The following PELI3 variants were observed in gnomAD, a reference collection of about 807,000 sequenced individuals.
PELI3 encodes the protein E3 ubiquitin-protein ligase pellino homolog 3.
Under a neutral mutation model 35.5 loss-of-function variants are expected in PELI3, and 19 were observed. The ratio of observed to expected loss-of-function variants is 0.54; its 90% CI spans 0.37 to 0.79. PELI3 has a LOEUF of 0.79. Ranked by LOEUF, PELI3 falls within the 30% of genes least tolerant of loss-of-function variation. The pLI is 0.00. For synonymous variants in PELI3, 262 were observed against 279.2 expected, an observed-to-expected ratio of 0.94 and a Z score of 0.62; for missense variants, 490 against 661.2, an observed-to-expected ratio of 0.74 and a Z score of 2.84.
In PELI3 at chr11:66,471,267, G is replaced by A; in HGVS notation, c.250G>A (p.Asp84Asn). 1 of 1,613,578 alleles carries A rather than the reference G, an allele frequency of 6.2e-7. No homozygotes were observed. The highest frequency in any genetic ancestry group is 8.5e-7 in the Non-Finnish European group (1 of 1,179,740). ...SCYNGCLASG[D>N]KGRRRSRLAL... ...CTACAATGGTTGTCTGGCAAGTGGG[G>A]ACAAGGGCCGCCGGCGAAGCCGCCT... Residue 84 changes from aspartate (D) to asparagine (N), a missense_variant, in exon 4 of 8, where the codon GAC becomes AAC. By Grantham distance (23) the Asp-to-Asn change is conservative (BLOSUM62 1). Transcript: ENST00000320740.
chr11:66,471,159 C>T (rs895289204), intron 3 of PELI3, 83 bp from the exon 4 acceptor site: 1 of 1,486,970 alleles, frequency 6.7e-7, no homozygotes, highest in Non-Finnish European at 9.2e-7. Flanking sequence ...TGGCAGTTTC[C>T]TCCAAGTCTC....
intron 3 of PELI3, among the ~76,000 whole-genome samples, chr11:66,469,250 T>A (rs1465968146): frequency 8.3e-5 from 12 of 145,454 alleles, no homozygotes; most frequent in African/African-American, 1.8e-4. Context: ...ACACATGCTT[T>A]AAAAAAAAAA....
chr11:66,477,048 G>A lies in PELI3; in HGVS notation c.*881G>A, dbSNP rs1854946136. 6.6e-6 allele frequency: 1 copy of A among 152,338 alleles called. No individual in the cohort carries two copies. The highest frequency in any genetic ancestry group is 2.4e-5 in the African/African-American group (1 of 41,378). 9.4% of individuals were successfully genotyped at this position (152,338 alleles called of 1,614,324 possible). On this transcript the variant is annotated 3_prime_UTR_variant, in exon 8 of 8. Transcript: ENST00000320740. Reference sequence around the variant, plus strand: ...GGCCTGTGCACAGGCTCAGGTGTCAGTAAGCCAGAAATCCAGGGACAGAGT... The same window carrying A: ...GGCCTGTGCACAGGCTCAGGTGTCAATAAGCCAGAAATCCAGGGACAGAGT...
chr11:66,468,396 A>G (rs764761274), intron 2 of PELI3, 116 bp downstream of exon 2: 42 of 1,046,022 alleles, frequency 4.0e-5, no homozygotes, highest in Non-Finnish European at 5.1e-5. Flanking sequence ...GTCCCTCCTC[A>G]CCTTCCTAGC....
intron 4 of PELI3, 80 bp from the exon 5 acceptor site, chr11:66,472,289 C>T (rs1202860844): frequency 1.8e-6 from 2 of 1,092,942 alleles, no homozygotes; most frequent in African/African-American, 1.5e-5. Flanking sequence ...GCTGCTGGGC[C>T]TTGAGCTCCA....
In PELI3 at chr11:66,473,421, AAC is replaced by A; in HGVS notation, c.639_640del (p.Ile214LeufsTer198). 6.2e-7 allele frequency: 1 copy of A among 1,612,300 alleles called. No homozygotes were observed. Among genetic ancestry groups the A allele is most frequent in the Non-Finnish European group, 8.5e-7 (1 of 1,179,224 alleles). The stretch of plus-strand genomic sequence containing the variant: ...TGCCGCTGGCTTCGATGCCTCTAGC[AAC>A]ATCTTCCTTGGAGTGAGTGAGCCCC... Reference protein sequence around the residue: ...IYAAGFDASSNIFLGERAAKW... With the variant: ...IYAAGFDASSXIFLGERAAKW... On this transcript the variant is annotated frameshift_variant, in exon 6 of 8. Coordinates refer to ENST00000320740, the MANE Select transcript of PELI3 (RefSeq NM_145065.3). LOFTEE classifies it high-confidence loss of function. This position sits in a 1 kb window ranked among gnomAD's most constrained non-coding sequence, Gnocchi z 5.8.
intron 4 of PELI3, among the ~76,000 whole-genome samples, chr11:66,471,908 G>C (rs1425626955): frequency 6.6e-6 from 1 of 152,102 alleles, no homozygotes; most frequent in Non-Finnish European, 1.5e-5. Flanking sequence ...CACCCAGGCT[G>C]GAGTACAGTG....
In PELI3 at chr11:66,473,604, C is replaced by T; in HGVS notation, c.652-133C>T. The T allele has an allele frequency of 7.4e-7, 1 of 1,352,480 alleles. No individual in the cohort carries two copies. The highest frequency in any genetic ancestry group is 1.0e-6 in the Non-Finnish European group (1 of 996,794). 83.8% of individuals were successfully genotyped at this position (1,352,480 alleles called of 1,614,324 possible). On this transcript the variant is annotated intron_variant, in intron 6 of 7. Transcript: ENST00000320740. The surrounding 1 kb of genome is among the most constrained non-coding windows in gnomAD (Gnocchi z 5.8). ...GCAAAGTGAGGCCCAGAGAGACGCT[C>T]AAGTCATGCAGCTTCAATGCCAGTC...
chr11:66,471,431 G>C, intron 4 of PELI3, 60 bp downstream of exon 4: 3 of 1,589,228 alleles, frequency 1.9e-6, no homozygotes, highest in Non-Finnish European at 2.6e-6. Flanking sequence ...CCAGGTCTTC[G>C]GCCTTCCAGG....
Position 66,471,519 on chromosome 11 carries a change from G to T in PELI3, c.354+148G>T, listed in dbSNP as rs149865295. The T allele has an allele frequency of 3.8e-4, 449 of 1,175,398 alleles. No individual in the cohort carries two copies. The African/African-American group carries it at 6.2e-3, about 16-fold the overall frequency. 72.8% of individuals were successfully genotyped at this position (1,175,398 alleles called of 1,614,324 possible). A position where few individuals can be genotyped will look rare whatever the true frequency, so the allele number is the denominator to read the frequency against. On this transcript the variant is annotated intron_variant, in intron 4 of 7. Coordinates refer to ENST00000320740, the MANE Select transcript of PELI3 (RefSeq NM_145065.3). Reference sequence around the variant, plus strand: ...TCACTCACTGCTTATTGGGCCATCCGAGAATGGTGATGAAAAATCCTTTGC... The same window carrying T: ...TCACTCACTGCTTATTGGGCCATCCTAGAATGGTGATGAAAAATCCTTTGC...
chr11:66,466,672 T>A (rs1029985411), upstream of PELI3: 6 of 151,228 alleles, frequency 4.0e-5, no homozygotes, highest in Non-Finnish European at 8.8e-5. Context: ...GGCAAGGGAG[T>A]CCCTCAGACG....
At position 66,475,772 on chromosome 11, in the gene PELI3, C is replaced by T. The variant is rs1277480689; in HGVS notation, c.1015C>T (p.Leu339=). ...CCAGTGCCCCGTGGGCCTCAGCACT[C>T]TGGCCTTCCCCAGCCCAGCCCGTGG... ...RPQCPVGLST[L]AFPSPARGRT... is the part of the protein sequence containing the mutation. The change falls in exon 8 of 8, where the codon CTG becomes TTG. Residue 339 remains leucine, a synonymous_variant. Transcript: ENST00000320740. The T allele has an allele frequency of 3.7e-6, 6 of 1,610,250 alleles. No individual in the cohort carries two copies. The highest frequency in any genetic ancestry group is 2.5e-6 in the Non-Finnish European group (3 of 1,179,042).
intron 3 of PELI3, among the ~76,000 whole-genome samples, chr11:66,469,804 G>GTTTTTTTTTTTTTTT (rs1330000663): frequency 1.5e-5 from 2 of 129,958 alleles, no homozygotes; most frequent in African/African-American, 5.8e-5. Context: ...TTTTTTTTTT[G>GTTTTTTTTTTTTTTT]TTTTTTTTTT....
At position 66,473,291 on chromosome 11, in the gene PELI3, C is replaced by T. The variant is rs144457255; in HGVS notation, c.507C>T (p.Ser169=). ...TTGACTTCGTGGTAACAGACACGTC[C>T]CCTGGAGGAGGGGCTGCCGAGGGCC... ...NMIDFVVTDT[S]PGGGAAEGPS... Residue 169 remains serine (S), a synonymous_variant, in exon 6 of 8, where the codon TCC becomes TCT. Transcript: ENST00000320740. The surrounding 1 kb of genome is among the most constrained non-coding windows in gnomAD (Gnocchi z 5.8). 9.3e-6 allele frequency: 15 copies of T among 1,613,592 alleles called. No individual in the cohort carries two copies. Among genetic ancestry groups the T allele is most frequent in the Middle Eastern group, 3.3e-4 (2 of 6,062 alleles).
rs371400933 is a variant in PELI3 at position 66,473,620 on chromosome 11, A to G, written c.652-117A>G. 5.3e-4 allele frequency: 751 copies of G among 1,414,380 alleles called. 5 individuals are homozygous for G. The East Asian group carries it at 0.01, about 19-fold the overall frequency. 87.6% of individuals were successfully genotyped at this position (1,414,380 alleles called of 1,614,324 possible). Reference sequence around the variant, plus strand: ...AGAGACGCTCAAGTCATGCAGCTTCAATGCCAGTCCTCTCTGGGCCGCCTC... The same window carrying G: ...AGAGACGCTCAAGTCATGCAGCTTCGATGCCAGTCCTCTCTGGGCCGCCTC... On this transcript the variant is annotated intron_variant, in intron 6 of 7. Transcript: ENST00000320740. This position sits in a 1 kb window ranked among gnomAD's most constrained non-coding sequence, Gnocchi z 5.8.
In PELI3 at chr11:66,473,909, A is replaced by T. The variant is rs1854811759; in HGVS notation, c.824A>T (p.Gln275Leu). The T allele has an allele frequency of 6.2e-7, 1 of 1,613,300 alleles. No individual in the cohort carries two copies. The change falls in exon 7 of 8, where the codon CAG becomes CTG. Residue 275 changes from glutamine to leucine, a missense_variant. Around this residue, in one of 3 missense-constraint regions of PELI3, gnomAD observed 349 missense variants for 484.8 expected, o/e 0.72. Transcript: ENST00000320740. The surrounding 1 kb of genome is among the most constrained non-coding windows in gnomAD (Gnocchi z 5.8). Reference protein sequence around the residue: ...VYTLRDSRSAQQRGKLVENES... With the variant: ...VYTLRDSRSALQRGKLVENES... ...ACATTGCGGGACAGCCGCTCAGCCC[A>T]GCAGCGGGGCAAGCTGGTAGGTGGC...
At chr11:66,475,281 A>G (rs1854865453) in intron 7 of PELI3, among the ~76,000 whole-genome samples, 1 of 152,236 alleles carries the variant, frequency 6.6e-6, no homozygotes, top group Non-Finnish European at 1.5e-5. Flanking sequence ...AGTACCCAGC[A>G]TTCCTCATTA....
At chr11:66,468,013 G>T in intron 1 of PELI3, 115 bp from the exon 2 acceptor site, 1 of 1,292,970 alleles carries the variant, frequency 7.7e-7, no homozygotes. Flanking sequence ...AGCAGTAGAG[G>T]CGGTGAAAGG....
At chr11:66,466,674 C>T (rs1436054650), upstream of PELI3, 8 of 152,274 alleles carry the variant, frequency 5.3e-5, no homozygotes, top group East Asian at 1.4e-3. Context: ...CAAGGGAGTC[C>T]CTCAGACGGA....
Sources: gnomAD v4.1 joint callset for allele counts (sites outside exome capture counted in the v4.1 genomes callset) on GRCh38, gnomAD v4.1.1 for gene constraint, gnomAD v4.1.1 regional missense constraint, Gnocchi (gnomAD v3.1) non-coding constraint, MANE v1.5 for transcripts, NCBI Gene and HGNC (gene_info 2026-07-23, HGNC 2026-07-21) for gene names.